BRINP3: variants seen among roughly 807,000 people sequenced by gnomAD.
BRINP3 encodes BMP/retinoic acid-inducible neural-specific protein 3.
Under a neutral mutation model 71.0 loss-of-function variants are expected in BRINP3, and 19 were observed. The observed-to-expected ratio is 0.27, with a 90% CI of 0.19 to 0.39. BRINP3 has a LOEUF of 0.39. BRINP3 is among the 10% of genes least tolerant of loss of function. BRINP3 has a pLI of 1.00. For synonymous variants in BRINP3, 380 were observed against 337.7 expected (o/e 1.13, Z -1.37); for missense variants, 959 against 940.8 (o/e 1.02, Z -0.25).
At chr1:190,253,448 C>T (rs966491722) in intron 4 of BRINP3, among the ~76,000 whole-genome samples, 2 of 152,126 alleles carry the variant, frequency 1.3e-5, no homozygotes, top group Admixed American at 6.6e-5. Context: ...TGTTTCCTGA[C>T]TTTTTAATGA....
In BRINP3 at chr1:190,353,594, T is replaced by A. The variant is rs141256289; in HGVS notation, c.237-71844A>T. On this transcript the variant is annotated intron_variant, in intron 2 of 7. Coordinates refer to ENST00000367462, the MANE Select transcript of BRINP3 (RefSeq NM_199051.3). The stretch of plus-strand genomic sequence containing the variant: ...ATTTTGGCTATCAAAGTTTCTTGAT[T>A]ATCCTTGTTCAATGCTTGTACTTAT... Among the ~76,000 whole-genome samples, 5 of 152,174 alleles carry A rather than the reference T, an allele frequency of 3.3e-5. No homozygotes were observed. In the East Asian group the frequency reaches 9.7e-4, roughly 30 times the overall value.
intron 5 of BRINP3, among the ~76,000 whole-genome samples, chr1:190,227,137 T>C (rs1372571402): frequency 2.6e-5 from 4 of 151,864 alleles, no homozygotes; most frequent in African/African-American, 9.7e-5. Flanking sequence ...AATAAGTAGG[T>C]AAAAATGAAT....
At chr1:190,422,413 C>A (rs912678314) in intron 2 of BRINP3, among the ~76,000 whole-genome samples, 2 of 151,760 alleles carry the variant, frequency 1.3e-5, no homozygotes, top group African/African-American at 4.8e-5. Flanking sequence ...TCAGAAAATT[C>A]AATCCTGTAT....
chr1:190,451,404 T>C (rs1443489389), intron 2 of BRINP3, among the ~76,000 whole-genome samples: 2 of 152,162 alleles, frequency 1.3e-5, no homozygotes, highest in African/African-American at 4.8e-5. Flanking sequence ...TAGAGAAGAT[T>C]ATACATATCC....
intron 2 of BRINP3, among the ~76,000 whole-genome samples, chr1:190,403,496 G>C (rs1672068991): frequency 6.6e-6 from 1 of 152,064 alleles, no homozygotes; most frequent in Non-Finnish European, 1.5e-5. Context: ...TGCCAAAATA[G>C]CATTATCTTA....
chr1:190,255,249 T>G (rs915323274), intron 4 of BRINP3, among the ~76,000 whole-genome samples: 12 of 151,868 alleles, frequency 7.9e-5, no homozygotes, highest in Non-Finnish European at 8.8e-5. Flanking sequence ...TTTTTTTTTT[T>G]TTGTTGTGTC....
At chr1:190,452,634 G>A (rs1227171047) in intron 2 of BRINP3, among the ~76,000 whole-genome samples, 2 of 152,104 alleles carry the variant, frequency 1.3e-5, no homozygotes, top group Admixed American at 1.3e-4. Context: ...CACGGCAGGC[G>A]GATCACTTGA....
chr1:190,107,697 T>G (rs1652300197), intron 7 of BRINP3, among the ~76,000 whole-genome samples: 1 of 152,042 alleles, frequency 6.6e-6, no homozygotes, highest in African/African-American at 2.4e-5. Context: ...AAATGTATAT[T>G]GTTACACTAG....
intron 6 of BRINP3, among the ~76,000 whole-genome samples, chr1:190,191,345 G>A (rs186645563): frequency 9.5e-4 from 145 of 152,064 alleles, no homozygotes; most frequent in African/African-American, 2.6e-3. Flanking sequence ...TGTTACACAG[G>A]TATACGTGTG....
chr1:190,331,524 TCATC>T (rs1161363794), intron 2 of BRINP3, among the ~76,000 whole-genome samples: 33 of 152,074 alleles, frequency 2.2e-4, no homozygotes, highest in Non-Finnish European at 2.8e-4. Context: ...GTTGTTCTGT[TCATC>T]CTCAGAAAGC....
intron 6 of BRINP3, among the ~76,000 whole-genome samples, chr1:190,217,866 G>T (rs1285897608): frequency 6.6e-6 from 1 of 151,958 alleles, no homozygotes; most frequent in African/African-American, 2.4e-5. Flanking sequence ...CTTTTGTTAG[G>T]ACTGGCTTCT....
intron 2 of BRINP3, among the ~76,000 whole-genome samples, chr1:190,325,162 G>A (rs1309229583): frequency 1.3e-5 from 2 of 151,846 alleles, no homozygotes; most frequent in Non-Finnish European, 2.9e-5. Flanking sequence ...AAATGCTGAA[G>A]GGAATAAAAT....
intron 6 of BRINP3, among the ~76,000 whole-genome samples, chr1:190,166,995 G>A (rs1383414877): frequency 6.6e-6 from 1 of 152,110 alleles, no homozygotes; most frequent in African/African-American, 2.4e-5. Flanking sequence ...AAAGTGTTGG[G>A]ATTACATGCG....
At chr1:190,117,373 A>G (rs906581042) in intron 7 of BRINP3, among the ~76,000 whole-genome samples, 1 of 152,016 alleles carries the variant, frequency 6.6e-6, no homozygotes, top group African/African-American at 2.4e-5. Flanking sequence ...CCTATATTCA[A>G]TCTTCATTAT....
chr1:190,160,454 G>A (rs1309935712), intron 7 of BRINP3, among the ~76,000 whole-genome samples: 1 of 151,866 alleles, frequency 6.6e-6, no homozygotes, highest in Non-Finnish European at 1.5e-5. Context: ...AAGAAAAAAA[G>A]AAATAAGTGC....
At chr1:190,311,659 G>C (rs963070966) in intron 2 of BRINP3, among the ~76,000 whole-genome samples, 5 of 151,024 alleles carry the variant, frequency 3.3e-5, no homozygotes, top group South Asian at 4.2e-4. Context: ...TTTTTCTGTG[G>C]GAAAGTTTAT....
At chr1:190,477,093 T>C (rs915016091) in intron 1 of BRINP3, among the ~76,000 whole-genome samples, 5 of 152,130 alleles carry the variant, frequency 3.3e-5, no homozygotes, top group African/African-American at 1.2e-4. Flanking sequence ...CTCTCTTAGA[T>C]AAACCTATAA....
In BRINP3 at chr1:190,437,657, T is replaced by C. The variant is rs59646006; in HGVS notation, c.236+16998A>G. On this transcript the variant is annotated intron_variant, in intron 2 of 7. Coordinates refer to ENST00000367462, the MANE Select transcript of BRINP3 (RefSeq NM_199051.3). ...GTCTTATCAACAGATTGTCTTGATG[T>C]GATTTGGAAAAGTAAATATTCAACA... Among the ~76,000 whole-genome samples, 446 of 151,948 alleles carry C rather than the reference T, an allele frequency of 2.9e-3. 5 individuals carry two copies. The highest frequency in any genetic ancestry group is 0.022 in the Admixed American group (332 of 15,238).
intron 1 of BRINP3, 23 bp downstream of exon 1, chr1:190,477,425 A>G (rs1257436377): frequency 1.3e-5 from 2 of 152,200 alleles, no homozygotes; most frequent in African/African-American, 4.8e-5. Flanking sequence ...AGTTTCTAGT[A>G]ACAGATAAAG....
Sources: allele counts gnomAD v4.1 joint callset (sites outside exome capture counted in the v4.1 genomes callset), GRCh38; gene constraint gnomAD v4.1.1; transcripts MANE v1.5; gene names NCBI Gene and HGNC (gene_info 2026-07-23, HGNC 2026-07-21).